WDFY3: variants seen among roughly 807,000 people sequenced by gnomAD.
WDFY3 encodes WD repeat and FYVE domain containing 3.
Under a neutral mutation model 409.6 loss-of-function variants are expected in WDFY3, and 66 were observed. The observed-to-expected ratio is 0.16, with a 90% confidence interval of 0.13 to 0.20. The LOEUF (loss-of-function observed/expected upper bound fraction) is 0.20. Ranked by LOEUF, WDFY3 falls within the 10% of genes least tolerant of loss-of-function variation. The pLI, the probability that WDFY3 is intolerant of heterozygous loss-of-function variation, is 1.00. For missense variants in WDFY3, 3,031 were observed against 4,298.1 expected, an observed-to-expected ratio of 0.71 and a Z score of 8.24; for synonymous variants, 1,521 against 1,537.1, an observed-to-expected ratio of 0.99 and a Z score of 0.25.
chr4:84,716,085 C>CAAAATT (rs1244219500), intron 49 of WDFY3, among the ~76,000 whole-genome samples: 2 of 152,030 alleles, frequency 1.3e-5, no homozygotes, highest in African/African-American at 2.4e-5. Flanking sequence ...ATGCATTATA[C>CAAAATT]AAAATTATGC....
chr4:84,701,291 C>G (rs989683254), intron 56 of WDFY3, among the ~76,000 whole-genome samples: 1 of 152,178 alleles, frequency 6.6e-6, no homozygotes, highest in Admixed American at 6.5e-5. Flanking sequence ...TAATGAAAAT[C>G]AATTTCAGAC....
chr4:84,688,868 C>T (rs1327799285), intron 61 of WDFY3, among the ~76,000 whole-genome samples: 2 of 152,076 alleles, frequency 1.3e-5, no homozygotes, highest in Non-Finnish European at 2.9e-5. Context: ...GGAATTCTTT[C>T]TTTAAACTAG....
In WDFY3 at chr4:84,922,925, T is replaced by A. The variant is rs115008206; in HGVS notation, c.-132+9345A>T. The stretch of plus-strand genomic sequence containing the variant: ...CAACAGAGTTATTTAATTTACTCTT[T>A]GTATATTGCTTAAAGCATTAAATGA... On this transcript the variant is annotated intron_variant, in intron 2 of 67. Transcript: ENST00000295888. Among the ~76,000 whole-genome samples the A allele has an allele frequency of 6.2e-3, 937 of 152,330 alleles. 12 individuals carry two copies. The highest frequency in any genetic ancestry group is 0.021 in the African/African-American group (884 of 41,572).
At chr4:84,681,623 A>C (rs1727362546) in intron 64 of WDFY3, among the ~76,000 whole-genome samples, 1 of 152,206 alleles carries the variant, frequency 6.6e-6, no homozygotes, top group Non-Finnish European at 1.5e-5. Flanking sequence ...AGTCACACTG[A>C]ATTCTCAGTG....
At chr4:84,854,870 T>C (rs973477434) in intron 4 of WDFY3, among the ~76,000 whole-genome samples, 13 of 152,112 alleles carry the variant, frequency 8.5e-5, no homozygotes, top group African/African-American at 7.2e-5. Context: ...GATGGTACCA[T>C]GGCACTCCAG....
intron 1 of WDFY3, among the ~76,000 whole-genome samples, chr4:84,958,492 C>T (rs1774516926): frequency 6.6e-6 from 1 of 152,114 alleles, no homozygotes; most frequent in Non-Finnish European, 1.5e-5. Flanking sequence ...AATAAACCAG[C>T]TATTAAGTTT....
chr4:84,718,410 T>C lies in WDFY3; in HGVS notation c.7754+12A>G. On this transcript the variant is annotated intron_variant, in intron 48 of 67. Transcript: ENST00000295888. The stretch of plus-strand genomic sequence containing the variant: ...ATAGCCATACATTATGTCTCTTCAT[T>C]CATTTACTTACTTTGGAGGTAAGGT... The C allele has an allele frequency of 6.2e-7, 1 of 1,609,824 alleles. No individual in the cohort carries two copies. Among genetic ancestry groups the C allele is most frequent in the Non-Finnish European group, 8.5e-7 (1 of 1,178,266 alleles).
intron 15 of WDFY3, among the ~76,000 whole-genome samples, chr4:84,807,785 T>G (rs892215307): frequency 2.6e-5 from 4 of 152,014 alleles, no homozygotes; most frequent in Non-Finnish European, 5.9e-5. Context: ...AGTATTGGGG[T>G]GGGTTTTTTA....
intron 1 of WDFY3, among the ~76,000 whole-genome samples, chr4:84,941,135 T>C (rs183915134): frequency 2.8e-3 from 430 of 151,944 alleles, no homozygotes; most frequent in African/African-American, 9.8e-3. Flanking sequence ...CAATAAGGCA[T>C]GAAAAATAAA....
chr4:84,843,662 C>T (rs998864278), intron 5 of WDFY3, among the ~76,000 whole-genome samples: 2 of 152,132 alleles, frequency 1.3e-5, no homozygotes, highest in African/African-American at 4.8e-5. Context: ...GTTTCCCAAA[C>T]TACTGGGATT....
intron 61 of WDFY3, among the ~76,000 whole-genome samples, chr4:84,689,088 T>C (rs1728816696): frequency 6.6e-6 from 1 of 152,232 alleles, no homozygotes; most frequent in Non-Finnish European, 1.5e-5. Flanking sequence ...CACTAGAATG[T>C]AAGAGGTTGC....
In WDFY3 at chr4:84,850,015, T is replaced by G; in HGVS notation, c.191A>C (p.Asn64Thr). 1 of 1,592,122 alleles carries G rather than the reference T, an allele frequency of 6.3e-7. No individual in the cohort carries two copies. Among genetic ancestry groups the G allele is most frequent in the Non-Finnish European group, 8.5e-7 (1 of 1,170,506 alleles). Reference protein sequence around the residue: ...MLPVFNRVFGNAPPNTMTEKF... With the variant: ...MLPVFNRVFGTAPPNTMTEKF... ...TTCTGTCATTGTATTCGGCGGAGCA[T>G]TTCCAAAAACCTGTAGATAAGAAAA... is the stretch of plus-strand genomic sequence containing the variant. The change falls in exon 5 of 68, where the codon AAT (asparagine) becomes ACT (threonine). Residue 64 changes from asparagine to threonine, a missense_variant. By Grantham distance (65) the Asn-to-Thr change is moderately conservative. This residue lies in a region of WDFY3 where 1,322 missense variants were observed against 1,697.9 expected (regional missense o/e 0.78). Coordinates refer to ENST00000295888, the MANE Select transcript of WDFY3 (RefSeq NM_014991.6).
intron 2 of WDFY3, among the ~76,000 whole-genome samples, chr4:84,920,090 GGA>G (rs1486377536): frequency 1.3e-5 from 2 of 151,808 alleles, no homozygotes; most frequent in African/African-American, 4.8e-5. Flanking sequence ...TTCTGAAAAG[GGA>G]GAGAAAGGAT....
chr4:84,910,910 G>C (rs1767684615), intron 2 of WDFY3, among the ~76,000 whole-genome samples: 1 of 151,026 alleles, frequency 6.6e-6, no homozygotes, highest in East Asian at 1.9e-4. Context: ...AGTAGAGACA[G>C]GGTTTCACCA....
intron 5 of WDFY3, chr4:84,849,668 G>C (rs1387123812): frequency 2.6e-6 from 1 of 385,438 alleles, no homozygotes; most frequent in African/African-American, 2.1e-5. Flanking sequence ...TATTTTAAAG[G>C]GTTAGGGTGG....
chr4:84,798,174 T>C, intron 17 of WDFY3, 66 bp from the exon 18 acceptor site: 2 of 1,338,238 alleles, frequency 1.5e-6, no homozygotes, highest in Non-Finnish European at 2.1e-6. Context: ...TAACCAAATA[T>C]TCAGAAAAAG....
At chr4:84,784,891 T>TATATATATACACACACAC (rs1238884117) in intron 24 of WDFY3, among the ~76,000 whole-genome samples, 1 of 36,914 alleles carries the variant, frequency 2.7e-5, no homozygotes, top group African/African-American at 7.7e-5. Flanking sequence ...TATATATATA[T>TATATATATACACACACAC]ACACACACAC....
At chr4:84,684,583 A>G (rs1727984285) in intron 62 of WDFY3, among the ~76,000 whole-genome samples, 2 of 152,150 alleles carry the variant, frequency 1.3e-5, no homozygotes, top group African/African-American at 4.8e-5. Context: ...TTTTCAGTCC[A>G]GATATAGTTG....
chr4:84,848,280 G>GA (rs907445854), intron 5 of WDFY3, among the ~76,000 whole-genome samples: 12 of 150,272 alleles, frequency 8.0e-5, no homozygotes, highest in East Asian at 3.9e-4. Flanking sequence ...GGTCACAGAG[G>GA]AAAAAAAAAT....
Sources: gnomAD v4.1 joint callset for allele counts (sites outside exome capture counted in the v4.1 genomes callset) on GRCh38, gnomAD v4.1.1 for gene constraint, gnomAD v4.1.1 regional missense constraint, MANE v1.5 for transcripts, NCBI Gene and HGNC (gene_info 2026-07-23, HGNC 2026-07-21) for gene names.